LRGUK: variants seen among roughly 807,000 people sequenced by gnomAD.
The protein encoded by LRGUK is leucine-rich repeat and guanylate kinase domain-containing protein.
A neutral mutation model predicts 76.0 loss-of-function variants in LRGUK; 65 were observed. The observed-to-expected ratio is 0.85, with a 90% CI of 0.70 to 1.05. LRGUK has a LOEUF of 1.05. Ranked by LOEUF, LRGUK falls within the 50% of genes least tolerant of loss-of-function variation. The pLI is 0.00. For synonymous variants in LRGUK, 268 were observed against 265.6 expected (o/e 1.01, Z -0.09); for missense variants, 758 against 732.8 (o/e 1.03, Z -0.40).
chr7:134,133,917 C>T (rs940078524), intron 1 of LRGUK, among the ~76,000 whole-genome samples: 1 of 151,906 alleles, frequency 6.6e-6, no homozygotes, highest in Non-Finnish European at 1.5e-5. Context: ...TAAAAATTAG[C>T]CAGGCATGGT....
intron 19 of LRGUK, among the ~76,000 whole-genome samples, chr7:134,262,385 A>C (rs1802751486): frequency 6.6e-6 from 1 of 152,202 alleles, no homozygotes; most frequent in Non-Finnish European, 1.5e-5. Context: ...AAAATAAATA[A>C]AAATAAAGTC....
At chr7:134,214,616 A>G (rs117758659), downstream of LRGUK, among the ~76,000 whole-genome samples, 1 of 152,294 alleles carries the variant, frequency 6.6e-6, no homozygotes, top group Non-Finnish European at 1.5e-5. Flanking sequence ...AGTAAGTAGA[A>G]AGCAGGTTAA....
exon 20 of LRGUK, chr7:134,264,591 T>C (rs1802822809): frequency 6.6e-6 from 1 of 152,264 alleles, no homozygotes; most frequent in Admixed American, 6.5e-5. Flanking sequence ...CAGTTGATTC[T>C]TTTATTTCAC....
intron 16 of LRGUK, among the ~76,000 whole-genome samples, chr7:134,239,379 CAA>C (rs1249969332): frequency 2.0e-5 from 3 of 152,354 alleles, no homozygotes; most frequent in African/African-American, 7.2e-5. Flanking sequence ...ACGGCCTTAG[CAA>C]ATGGCACACC....
chr7:134,179,930 C>T (rs1181112134), intron 10 of LRGUK, among the ~76,000 whole-genome samples: 4 of 152,202 alleles, frequency 2.6e-5, no homozygotes, highest in Non-Finnish European at 4.4e-5. Context: ...AGAGGAACCC[C>T]AACCCTTGGC....
chr7:134,252,094 G>A (rs1227505946), intron 18 of LRGUK, among the ~76,000 whole-genome samples: 2 of 151,936 alleles, frequency 1.3e-5, no homozygotes, highest in Admixed American at 6.6e-5. Flanking sequence ...AGTACTTTGG[G>A]AAGGCAAGGT....
In LRGUK at chr7:134,208,942, G is replaced by GC; in HGVS notation, c.2080dup (p.Leu694ProfsTer41). The GC allele has an allele frequency of 2.5e-6, 1 of 399,108 alleles. No individual in the cohort carries two copies. Among genetic ancestry groups the GC allele is most frequent in the Non-Finnish European group, 4.4e-6 (1 of 226,130 alleles). 24.7% of individuals were successfully genotyped at this position (399,108 alleles called of 1,614,324 possible). On this transcript the variant is annotated frameshift_variant, in exon 16 of 16. Coordinates refer to ENST00000645682, the Ensembl canonical transcript of LRGUK. LOFTEE classifies it low-confidence loss of function (END_TRUNC). ...CTCCTGACAGCCATCTCAATCCTGA[G>GC]CTCCCTCAACACCTCAGTTCATCAG...
At chr7:134,136,091 C>A (rs1464262686) in intron 1 of LRGUK, among the ~76,000 whole-genome samples, 1 of 152,002 alleles carries the variant, frequency 6.6e-6, no homozygotes, top group Non-Finnish European at 1.5e-5. Flanking sequence ...ATATGCTAGT[C>A]ATGGCTAGTT....
downstream of LRGUK, among the ~76,000 whole-genome samples, chr7:134,213,347 G>A (rs1801346811): frequency 6.6e-6 from 1 of 152,046 alleles, no homozygotes; most frequent in Non-Finnish European, 1.5e-5. Flanking sequence ...CAGGAAAGAA[G>A]GTTAGGCCTG....
chr7:134,253,617 C>T (rs1802499287), intron 18 of LRGUK, among the ~76,000 whole-genome samples: 1 of 152,144 alleles, frequency 6.6e-6, no homozygotes, highest in South Asian at 2.1e-4. Flanking sequence ...GAGTTCAAGA[C>T]CAGCCTGGCC....
At chr7:134,210,453 ATGTG>A (rs1801209523), downstream of LRGUK, among the ~76,000 whole-genome samples, 1 of 152,164 alleles carries the variant, frequency 6.6e-6, no homozygotes, top group African/African-American at 2.4e-5. Context: ...TGGAATGTAG[ATGTG>A]TCCAAACAAG....
chr7:134,176,259 G>T (rs2116989767), intron 8 of LRGUK, among the ~76,000 whole-genome samples: 1 of 152,292 alleles, frequency 6.6e-6, no homozygotes, highest in East Asian at 1.9e-4. Flanking sequence ...AGGATAAATA[G>T]CTAATGCATG....
chr7:134,137,090 G>A (rs185796441), exon 2 of LRGUK: 1 of 1,613,118 alleles, frequency 6.2e-7, no homozygotes, highest in South Asian at 1.1e-5. Flanking sequence ...GGGCGCTCAG[G>A]CTCTGGGACT....
At chr7:134,127,379 C>T (rs759616727) in exon 1 of LRGUK, 30 of 1,604,240 alleles carry the variant, frequency 1.9e-5, no homozygotes, top group Non-Finnish European at 2.5e-5. Context: ...TGGCGACCTC[C>T]GAGAGGGCTC....
intron 13 of LRGUK, among the ~76,000 whole-genome samples, chr7:134,197,638 T>A (rs1054037133): frequency 1.3e-5 from 2 of 152,184 alleles, no homozygotes; most frequent in Non-Finnish European, 2.9e-5. Flanking sequence ...TAACTGCAGT[T>A]GCTCACTGGG....
chr7:134,208,763 C>T (rs879869835), exon 16 of LRGUK: 1 of 398,932 alleles, frequency 2.5e-6, no homozygotes, highest in African/African-American at 2.1e-5. Context: ...GGTTCCATCT[C>T]CCAGGTGCTT....
At chr7:134,205,653 C>T (rs62465768) in intron 15 of LRGUK, among the ~76,000 whole-genome samples, 22 of 152,190 alleles carry the variant, frequency 1.4e-4, no homozygotes, top group African/African-American at 2.6e-4. Flanking sequence ...GCTTTGTCTG[C>T]GCAATTAGGA....
intron 1 of LRGUK, among the ~76,000 whole-genome samples, chr7:134,134,014 A>G (rs956491549): frequency 2.0e-5 from 3 of 152,004 alleles, no homozygotes; most frequent in African/African-American, 7.2e-5. Context: ...GTGAACTGAG[A>G]TCACAACACT....
chr7:134,243,561 C>T (rs1275905362), intron 16 of LRGUK, among the ~76,000 whole-genome samples: 1 of 151,996 alleles, frequency 6.6e-6, no homozygotes, highest in African/African-American at 2.4e-5. Context: ...AGGACACAAA[C>T]AAATGGAAGA....
Sources: allele counts gnomAD v4.1 joint callset (sites outside exome capture counted in the v4.1 genomes callset), GRCh38; gene constraint gnomAD v4.1.1; transcripts MANE v1.5; gene names NCBI Gene and HGNC (gene_info 2026-07-23, HGNC 2026-07-21).